ACTR3C: variants seen among roughly 807,000 people sequenced by gnomAD.
The protein encoded by ACTR3C is actin related protein 3C.
Under a neutral mutation model 26.3 loss-of-function variants are expected in ACTR3C, and 18 were observed. The observed-to-expected ratio is 0.68, with a 90% CI of 0.47 to 1.01. The LOEUF (loss-of-function observed/expected upper bound fraction) is 1.01, where lower values mean the gene tolerates loss of function less well. Among genes scored for constraint, ACTR3C ranks in the 50% least tolerant of loss-of-function variants. The pLI, the probability that ACTR3C is intolerant of heterozygous loss-of-function variation, is 0.00. For missense variants in ACTR3C, 184 were observed against 250.7 expected (o/e 0.73, Z 1.80); for synonymous variants, 55 against 94.5 (o/e 0.58, Z 2.42).
the ACTR3C span, among the ~76,000 whole-genome samples, chr7:150,140,768 T>TA: frequency 5.9e-5 from 9 of 151,768 alleles, no homozygotes; most frequent in East Asian, 5.8e-4. Context: ...TCACTTTAAA[T>TA]AAAAAAAAAT....
chr7:150,244,588 C>T (rs977361743), downstream of ACTR3C: 6 of 152,082 alleles, frequency 3.9e-5, no homozygotes, highest in African/African-American at 1.4e-4. Flanking sequence ...ATGGAAGGTG[C>T]ATCACTCTGG....
the ACTR3C span, among the ~76,000 whole-genome samples, chr7:150,188,107 G>C: frequency 6.4e-4 from 97 of 151,492 alleles, 1 homozygote; most frequent in African/African-American, 2.3e-3. Context: ...CTTCCCCAAG[G>C]TACCCTAGTT....
chr7:150,075,766 A>T, the ACTR3C span, among the ~76,000 whole-genome samples: 3 of 152,184 alleles, frequency 2.0e-5, no homozygotes, highest in South Asian at 6.2e-4. Context: ...ATTCCAGCTC[A>T]TGCCACATAA....
At chr7:149,903,532 G>A in the ACTR3C span, among the ~76,000 whole-genome samples, 11,457 of 149,672 alleles carry the variant, frequency 0.077, 470 homozygotes, top group African/African-American at 0.15. Context: ...AACTATGGAA[G>A]AGTTGTCTTG....
the ACTR3C span, among the ~76,000 whole-genome samples, chr7:150,112,375 C>T: frequency 6.6e-6 from 1 of 152,222 alleles, no homozygotes; most frequent in Non-Finnish European, 1.5e-5. Flanking sequence ...TTGCCCTTTG[C>T]ACACACACAG....
chr7:150,084,621 T>C, the ACTR3C span, among the ~76,000 whole-genome samples: 3 of 152,024 alleles, frequency 2.0e-5, no homozygotes, highest in African/African-American at 4.8e-5. Flanking sequence ...ATTTGAGGAA[T>C]AGAACGCGGG....
At chr7:150,234,127 T>C in the ACTR3C span, among the ~76,000 whole-genome samples, 1 of 152,198 alleles carries the variant, frequency 6.6e-6, no homozygotes, top group Admixed American at 6.5e-5. Flanking sequence ...CTGGCTCTTT[T>C]AGGTGTAATC....
chr7:150,211,601 G>C, the ACTR3C span, among the ~76,000 whole-genome samples: 1 of 149,406 alleles, frequency 6.7e-6, no homozygotes, highest in Non-Finnish European at 1.5e-5. Flanking sequence ...TCTAGGCTTG[G>C]AATATTGTAA....
the ACTR3C span, among the ~76,000 whole-genome samples, chr7:150,042,155 C>A: frequency 6.5e-3 from 200 of 30,906 alleles, 17 homozygotes; most frequent in African/African-American, 0.035. Flanking sequence ...GAACCAGGGG[C>A]TGGCTCTCAG....
chr7:150,289,488 G>T lies in ACTR3C; in HGVS notation c.259C>A (p.Pro87Thr). 6.3e-7 allele frequency: 1 copy of T among 1,590,526 alleles called. No homozygotes were observed. Among genetic ancestry groups the T allele is most frequent in the Non-Finnish European group, 8.6e-7 (1 of 1,169,566 alleles). The change falls in exon 4 of 8, where the codon CCT (proline) becomes ACT (threonine). Residue 87 changes from proline (P) to threonine (T), a missense_variant. Physicochemically the swap from Pro to Thr is conservative, Grantham distance 38. Transcript: ENST00000683684. ...GCGGTCTCCAGTGACTGCTCAGGAG[G>T]GATTCCCACCTCCCTCTCCCTTAGC... ...QLLREREVGI[P>T]PEQSLETAKA...
At chr7:149,926,995 G>A in the ACTR3C span, among the ~76,000 whole-genome samples, 1 of 151,902 alleles carries the variant, frequency 6.6e-6, no homozygotes, top group African/African-American at 2.4e-5. Flanking sequence ...GACACAGCAC[G>A]CAGGGCCTCA....
the ACTR3C span, among the ~76,000 whole-genome samples, chr7:149,967,165 G>T: frequency 2.6e-5 from 4 of 151,488 alleles, no homozygotes; most frequent in Non-Finnish European, 5.9e-5. Context: ...CTCCCTAGTA[G>T]CTGGGACTAC....
the ACTR3C span, among the ~76,000 whole-genome samples, chr7:150,007,824 T>TGAGACA: frequency 2.6e-5 from 4 of 151,908 alleles, no homozygotes; most frequent in African/African-American, 9.7e-5. Flanking sequence ...CCCAACACAG[T>TGAGACA]ATTGTGAGAC....
chr7:149,993,356 G>T, the ACTR3C span, among the ~76,000 whole-genome samples: 1 of 152,210 alleles, frequency 6.6e-6, no homozygotes, highest in Non-Finnish European at 1.5e-5. Flanking sequence ...AAGCAGGGGT[G>T]CACTTGTATA....
At chr7:150,251,981 C>T (rs538814681) in intron 6 of ACTR3C, among the ~76,000 whole-genome samples, 8 of 152,266 alleles carry the variant, frequency 5.3e-5, no homozygotes, top group East Asian at 1.9e-4. Flanking sequence ...CATAGTCCAG[C>T]GTTTGCTCTG....
chr7:150,215,305 T>G, the ACTR3C span, among the ~76,000 whole-genome samples: 2 of 152,166 alleles, frequency 1.3e-5, no homozygotes, highest in Admixed American at 6.5e-5. Context: ...ATGAAAACCT[T>G]GAGAAGAAAC....
intron 6 of ACTR3C, among the ~76,000 whole-genome samples, chr7:150,283,016 C>T (rs1380861866): frequency 3.5e-5 from 5 of 144,754 alleles, no homozygotes; most frequent in Non-Finnish European, 7.4e-5. Flanking sequence ...AGGCGCCTTT[C>T]GCCACCTTTT....
the ACTR3C span, among the ~76,000 whole-genome samples, chr7:150,143,585 C>T: frequency 3.3e-4 from 51 of 152,344 alleles, no homozygotes; most frequent in East Asian, 6.2e-3. Flanking sequence ...CCTGAGTCCT[C>T]TTCCCTGATC....
the ACTR3C span, among the ~76,000 whole-genome samples, chr7:150,197,420 T>C: frequency 1.3e-5 from 2 of 152,222 alleles, no homozygotes; most frequent in South Asian, 4.1e-4. Flanking sequence ...TTTCAGCCTG[T>C]AGTCTTGTAT....
Sources: allele counts gnomAD v4.1 joint callset (sites outside exome capture counted in the v4.1 genomes callset), GRCh38; gene constraint gnomAD v4.1.1; transcripts MANE v1.5; gene names NCBI Gene and HGNC (gene_info 2026-07-23, HGNC 2026-07-21).